The following UBR1 variants were observed in gnomAD, a reference collection of about 807,000 sequenced individuals.
UBR1 encodes ubiquitin protein ligase E3 component n-recognin 1.
UBR1 carries 102 observed loss-of-function variants against 242.1 expected under a neutral mutation model. That is an observed-to-expected ratio of 0.42 (90% CI 0.36 to 0.50). The LOEUF (loss-of-function observed/expected upper bound fraction) is 0.50. Ranked by LOEUF, UBR1 falls within the 20% of genes least tolerant of loss-of-function variation. UBR1 has a pLI of 0.01. For synonymous variants in UBR1, 675 were observed against 684.8 expected, an observed-to-expected ratio of 0.99 and a Z score of 0.22; for missense variants, 1,772 against 2,101.8, an observed-to-expected ratio of 0.84 and a Z score of 3.07.
intron 5 of UBR1, 77 bp downstream of exon 5, chr15:43,070,718 A>G: frequency 6.3e-7 from 1 of 1,592,584 alleles, no homozygotes; most frequent in South Asian, 1.1e-5. Context: ...GTAAATAACA[A>G]AAACAATTAT....
chr15:43,022,210 A>G (rs1011009199), intron 26 of UBR1, among the ~76,000 whole-genome samples: 1 of 152,168 alleles, frequency 6.6e-6, no homozygotes, highest in African/African-American at 2.4e-5. Flanking sequence ...GAAAAAAACT[A>G]TCTTAATCAG....
intron 1 of UBR1, among the ~76,000 whole-genome samples, chr15:43,092,477 A>C (rs2034115827): frequency 6.6e-6 from 1 of 152,220 alleles, no homozygotes. Context: ...TTATCAGTTA[A>C]TTGCTAAATG....
At chr15:43,064,779 T>C (rs1034986206) in intron 6 of UBR1, among the ~76,000 whole-genome samples, 2 of 151,870 alleles carry the variant, frequency 1.3e-5, no homozygotes, top group African/African-American at 4.8e-5. Context: ...TTTCACCAGG[T>C]TGGCCAGACT....
intron 37 of UBR1, among the ~76,000 whole-genome samples, chr15:42,982,933 G>C (rs2032399672): frequency 6.6e-6 from 1 of 152,110 alleles, no homozygotes; most frequent in Non-Finnish European, 1.5e-5. Context: ...TGGGTGCAGA[G>C]GAGCTTATAG....
chr15:42,953,268 C>T (rs1483855756), intron 44 of UBR1, among the ~76,000 whole-genome samples: 1 of 152,186 alleles, frequency 6.6e-6, no homozygotes, highest in Non-Finnish European at 1.5e-5. Flanking sequence ...GTTTCCCATG[C>T]TCCTCCCATC....
intron 14 of UBR1, among the ~76,000 whole-genome samples, chr15:43,044,528 C>T (rs975034071): frequency 6.6e-6 from 1 of 152,114 alleles, no homozygotes; most frequent in African/African-American, 2.4e-5. Context: ...AAAGGAACTC[C>T]ATGGTCAAAA....
At chr15:43,076,528 G>A (rs1201423836) in intron 3 of UBR1, among the ~76,000 whole-genome samples, 1 of 149,504 alleles carries the variant, frequency 6.7e-6, no homozygotes, top group East Asian at 2.0e-4. Context: ...CCCATCGTCT[G>A]AGATGTGGGG....
At chr15:43,011,833 GA>G in intron 29 of UBR1, 2 of 425,284 alleles carry the variant, frequency 4.7e-6, no homozygotes, top group East Asian at 7.5e-5. Flanking sequence ...CAGTTCTAAG[GA>G]AAAATTAGAA....
chr15:43,000,000 T>G (rs746354541), intron 32 of UBR1, among the ~76,000 whole-genome samples: 1 of 152,208 alleles, frequency 6.6e-6, no homozygotes, highest in Non-Finnish European at 1.5e-5. Context: ...GGAAATGTAC[T>G]ATGACTGGTT....
intron 29 of UBR1, among the ~76,000 whole-genome samples, chr15:43,009,288 C>A (rs1363442034): frequency 1.3e-5 from 2 of 152,240 alleles, no homozygotes; most frequent in Non-Finnish European, 2.9e-5. Flanking sequence ...TGCAGCGGAA[C>A]CTGCTGGTGC....
intron 30 of UBR1, among the ~76,000 whole-genome samples, chr15:43,005,850 G>C (rs546027948): frequency 6.7e-6 from 1 of 149,170 alleles, no homozygotes; most frequent in Non-Finnish European, 1.5e-5. Context: ...GATTAAGGGC[G>C]GGGCAAGATG....
At chr15:42,988,526 T>C in intron 35 of UBR1, 1 of 386,182 alleles carries the variant, frequency 2.6e-6, no homozygotes, top group South Asian at 2.5e-5. Context: ...CAAGTTATCC[T>C]CCCACCTCAG....
chr15:43,036,463 CTCCTT>C (rs2033336715), intron 18 of UBR1, 60 bp downstream of exon 18: 2 of 1,333,916 alleles, frequency 1.5e-6, no homozygotes, highest in Non-Finnish European at 2.2e-6. Flanking sequence ...ATTATCTTCT[CTCCTT>C]AGAAAGAATT....
intron 1 of UBR1, among the ~76,000 whole-genome samples, chr15:43,103,650 C>T (rs1168723076): frequency 1.3e-5 from 2 of 152,150 alleles, no homozygotes; most frequent in Non-Finnish European, 1.5e-5. Context: ...AGCCTTCACG[C>T]TTACTAATAG....
At chr15:43,032,705 G>A in intron 19 of UBR1, 74 bp from the exon 20 acceptor site, 1 of 892,334 alleles carries the variant, frequency 1.1e-6, no homozygotes, top group South Asian at 1.4e-5. Flanking sequence ...TTCTGGACGA[G>A]ACTCATGGTC....
chr15:43,005,112 G>A (rs576371446), intron 30 of UBR1, among the ~76,000 whole-genome samples: 23 of 149,826 alleles, frequency 1.5e-4, no homozygotes, highest in South Asian at 2.1e-4. Context: ...CAGCCGCCCC[G>A]TCTGAGAAGT....
chr15:43,023,174 G>C (rs2033132504), intron 25 of UBR1, among the ~76,000 whole-genome samples: 2 of 152,172 alleles, frequency 1.3e-5, no homozygotes, highest in South Asian at 2.1e-4. Flanking sequence ...TGCCTAGCAA[G>C]GTAAATCTAT....
intron 15 of UBR1, among the ~76,000 whole-genome samples, chr15:43,040,475 A>T (rs1444037295): frequency 5.3e-5 from 8 of 152,212 alleles, no homozygotes; most frequent in South Asian, 2.1e-4. Context: ...ACTTAAATGT[A>T]AGACCTAAAC....
intron 28 of UBR1, among the ~76,000 whole-genome samples, chr15:43,016,662 C>T (rs540372084): frequency 5.9e-5 from 9 of 152,262 alleles, no homozygotes; most frequent in South Asian, 4.2e-4. Context: ...CTGCAACCTC[C>T]GCCTCCTGGG....
Sources: allele counts gnomAD v4.1 joint callset (sites outside exome capture counted in the v4.1 genomes callset), GRCh38; gene constraint gnomAD v4.1.1; transcripts MANE v1.5; gene names NCBI Gene and HGNC (gene_info 2026-07-23, HGNC 2026-07-21).